CNTNAP5: variants seen among roughly 807,000 people sequenced by gnomAD.
CNTNAP5 encodes contactin-associated protein-like 5.
CNTNAP5 carries 72 observed loss-of-function variants against 150.2 expected under a neutral mutation model. That is an observed-to-expected ratio of 0.48 (90% CI 0.40 to 0.58). The LOEUF is 0.58. CNTNAP5 is among the 20% of genes least tolerant of loss of function. The probability of loss-of-function intolerance (pLI) is 0.00; values close to 1 mark genes in which losing one functional copy is unlikely to be tolerated. For missense variants in CNTNAP5, 1,636 were observed against 1,626.2 expected (o/e 1.01, Z -0.10); for synonymous variants, 672 against 619.8 (o/e 1.08, Z -1.25).
intron 11 of CNTNAP5, among the ~76,000 whole-genome samples, chr2:124,607,088 C>A (rs1166741975): frequency 6.6e-6 from 1 of 152,094 alleles, no homozygotes; most frequent in Non-Finnish European, 1.5e-5. Context: ...TTACTGTAGT[C>A]TAATGAGACA....
chr2:124,421,075 GCTAT>G (rs1407319652), intron 4 of CNTNAP5, among the ~76,000 whole-genome samples: 1 of 151,926 alleles, frequency 6.6e-6, no homozygotes, highest in Admixed American at 6.6e-5. Context: ...TTGCTAATTG[GCTAT>G]CTCAGTTTGC....
At chr2:124,369,017 A>T (rs1018507828) in intron 3 of CNTNAP5, among the ~76,000 whole-genome samples, 1 of 152,140 alleles carries the variant, frequency 6.6e-6, no homozygotes, top group Non-Finnish European at 1.5e-5. Context: ...AAATAGTTGG[A>T]TAGCTGAGAG....
chr2:124,730,358 T>C (rs564034683), intron 13 of CNTNAP5, among the ~76,000 whole-genome samples: 1 of 151,966 alleles, frequency 6.6e-6, no homozygotes, highest in Admixed American at 6.6e-5. Context: ...TATATATATA[T>C]ATATATCTGC....
chr2:124,305,146 G>A (rs1164476627), intron 3 of CNTNAP5, among the ~76,000 whole-genome samples: 3 of 150,564 alleles, frequency 2.0e-5, no homozygotes, highest in African/African-American at 7.3e-5. Flanking sequence ...GGGTGTGGTG[G>A]CACACACTTC....
At chr2:124,091,009 A>G (rs1025319525) in intron 1 of CNTNAP5, among the ~76,000 whole-genome samples, 5 of 152,220 alleles carry the variant, frequency 3.3e-5, no homozygotes, top group Admixed American at 2.0e-4. Flanking sequence ...GAAGTGAAGA[A>G]ATCCACCTGG....
intron 1 of CNTNAP5, among the ~76,000 whole-genome samples, chr2:124,036,185 A>C (rs1459765268): frequency 6.6e-6 from 1 of 151,434 alleles, no homozygotes; most frequent in African/African-American, 2.4e-5. Context: ...CGGCCTCCCA[A>C]AGTGCTGGGA....
chr2:124,209,690 G>A (rs889287051), intron 1 of CNTNAP5, among the ~76,000 whole-genome samples: 5 of 152,138 alleles, frequency 3.3e-5, no homozygotes, highest in Non-Finnish European at 7.4e-5. Flanking sequence ...GTGAAAGTAG[G>A]AAAGTGAGTA....
chr2:124,631,892 A>G (rs573328494), intron 12 of CNTNAP5, among the ~76,000 whole-genome samples: 2 of 152,202 alleles, frequency 1.3e-5, no homozygotes, highest in African/African-American at 4.8e-5. Context: ...AAACCATTAA[A>G]AAGTGGGCAA....
intron 12 of CNTNAP5, among the ~76,000 whole-genome samples, chr2:124,645,790 T>C (rs1051754078): frequency 4.6e-5 from 7 of 152,130 alleles, no homozygotes; most frequent in African/African-American, 1.4e-4. Flanking sequence ...TTTTGCAGGA[T>C]GTACAGGAAG....
intron 13 of CNTNAP5, among the ~76,000 whole-genome samples, chr2:124,718,929 AG>A (rs1382575091): frequency 3.3e-5 from 5 of 149,920 alleles, no homozygotes; most frequent in Non-Finnish European, 5.9e-5. Context: ...TGGGCAACAG[AG>A]CAAGACTCCA....
At chr2:124,575,653 G>A (rs977472233) in intron 11 of CNTNAP5, among the ~76,000 whole-genome samples, 14 of 152,042 alleles carry the variant, frequency 9.2e-5, no homozygotes, top group African/African-American at 2.7e-4. Flanking sequence ...TCACCTCCAC[G>A]TATACAGGTG....
chr2:124,053,899 C>G (rs1297012433), intron 1 of CNTNAP5, among the ~76,000 whole-genome samples: 1 of 152,140 alleles, frequency 6.6e-6, no homozygotes, highest in East Asian at 1.9e-4. Context: ...TGTTTCTTAG[C>G]CTGCCGCTTT....
intron 1 of CNTNAP5, among the ~76,000 whole-genome samples, chr2:124,117,325 GACTTGTCTCTT>G (rs1683450927): frequency 6.6e-6 from 1 of 152,010 alleles, no homozygotes; most frequent in South Asian, 2.1e-4. Flanking sequence ...TTACTTGATT[GACTTGTCTCTT>G]ACTTGTCTCA....
At chr2:124,486,002 A>C (rs1410704883) in intron 7 of CNTNAP5, among the ~76,000 whole-genome samples, 2 of 152,200 alleles carry the variant, frequency 1.3e-5, no homozygotes, top group Non-Finnish European at 2.9e-5. Context: ...AGACACTTGG[A>C]CTTGCATGTT....
At chr2:124,765,908 A>G (rs925523067) in intron 16 of CNTNAP5, among the ~76,000 whole-genome samples, 2 of 152,092 alleles carry the variant, frequency 1.3e-5, no homozygotes, top group African/African-American at 4.8e-5. Flanking sequence ...GTAAGCCAAG[A>G]TTGCACTACT....
rs1678768615 is a variant in CNTNAP5 at position 124,916,341 on chromosome 2, C to T, written c.*2053C>T. On this transcript the variant is annotated 3_prime_UTR_variant, in exon 24 of 24. Transcript: ENST00000682447. ...AAGGATCTTTAAACACTGTTTTCCC[C>T]TGCCCTTTCCTCCCTTTCTTCAATT... Among the ~76,000 whole-genome samples the T allele has an allele frequency of 6.6e-6, 1 of 152,004 alleles. No homozygotes were observed. The highest frequency in any genetic ancestry group is 1.5e-5 in the Non-Finnish European group (1 of 67,972).
intron 1 of CNTNAP5, among the ~76,000 whole-genome samples, chr2:124,175,267 T>C (rs1361103754): frequency 6.6e-6 from 1 of 152,184 alleles, no homozygotes; most frequent in African/African-American, 2.4e-5. Context: ...ATATATAATT[T>C]AGCACCCTAC....
chr2:124,547,586 C>T (rs1275421480), intron 10 of CNTNAP5, among the ~76,000 whole-genome samples: 2 of 152,120 alleles, frequency 1.3e-5, no homozygotes, highest in African/African-American at 4.8e-5. Context: ...GGGGTGGCTG[C>T]TCGTATTCAT....
At chr2:124,756,416 T>A (rs1437885533) in intron 14 of CNTNAP5, among the ~76,000 whole-genome samples, 1 of 152,182 alleles carries the variant, frequency 6.6e-6, no homozygotes, top group Non-Finnish European at 1.5e-5. Flanking sequence ...TTACTGGGCG[T>A]ATACCCAAAG....
Sources: gnomAD v4.1 joint callset for allele counts (sites outside exome capture counted in the v4.1 genomes callset) on GRCh38, gnomAD v4.1.1 for gene constraint, MANE v1.5 for transcripts, NCBI Gene and HGNC (gene_info 2026-07-23, HGNC 2026-07-21) for gene names.